The following AKR1C3 variants were observed in gnomAD, a reference collection of about 807,000 sequenced individuals.
AKR1C3 encodes the protein aldo-keto reductase family 1 member C3.
Under a neutral mutation model 43.6 loss-of-function variants are expected in AKR1C3, and 48 were observed. The observed-to-expected ratio is 1.10, with a 90% confidence interval of 0.87 to 1.40. AKR1C3 has a LOEUF of 1.40. AKR1C3 is among the 40% of genes most tolerant of loss of function. AKR1C3 has a pLI of 0.00. For missense variants in AKR1C3, 482 were observed against 391.2 expected (o/e 1.23, Z -1.96); for synonymous variants, 162 against 139.6 (o/e 1.16, Z -1.13).
intron 1 of AKR1C3, among the ~76,000 whole-genome samples, chr10:5,064,787 C>T (rs1554780620): frequency 6.6e-6 from 1 of 151,990 alleles, no homozygotes; most frequent in East Asian, 1.9e-4. Context: ...TGCTCAACAT[C>T]ACTGATCATT....
chr10:5,100,094 A>G (rs1839310913), intron 5 of AKR1C3, among the ~76,000 whole-genome samples: 1 of 152,306 alleles, frequency 6.6e-6, no homozygotes, highest in African/African-American at 2.4e-5. Flanking sequence ...GGAGTTTGAG[A>G]CCAGCCTGAC....
upstream of AKR1C3, among the ~76,000 whole-genome samples, chr10:5,091,419 G>C (rs1554784152): frequency 6.6e-6 from 1 of 152,088 alleles, no homozygotes; most frequent in Non-Finnish European, 1.5e-5. Flanking sequence ...GTATTTTTCA[G>C]AACATATCTC....
Position 5,107,483 on chromosome 10 carries a change from C to A in AKR1C3, c.952C>A (p.Pro318Thr), listed in dbSNP as rs1477251308. 6.3e-7 allele frequency: 1 copy of A among 1,586,332 alleles called. No homozygotes were observed. The highest frequency in any genetic ancestry group is 1.7e-5 in the Admixed American group (1 of 59,748). Residue 318 changes from proline (P) to threonine (T), a missense_variant, in exon 9 of 9, where the codon CCA (proline) becomes ACA (threonine). Physicochemically the swap from Pro to Thr is conservative, Grantham distance 38. Coordinates refer to ENST00000380554, the MANE Select transcript of AKR1C3 (RefSeq NM_003739.6). ...CAGTTTTGCTAGCCACCCTAATTAT[C>A]CATATTCAGATGAATATTAACATGG... Reference protein sequence around the residue: ...SDSFASHPNYPYSDEY With the variant: ...SDSFASHPNYTYSDEY
At chr10:5,068,941 A>C (rs1198836222) in intron 1 of AKR1C3, among the ~76,000 whole-genome samples, 1 of 152,238 alleles carries the variant, frequency 6.6e-6, no homozygotes, top group Admixed American at 6.5e-5. Context: ...TTTGAACATA[A>C]CTTAGACCAC....
At chr10:5,106,623 T>C (rs587718482) in intron 8 of AKR1C3, among the ~76,000 whole-genome samples, 218 of 152,130 alleles carry the variant, frequency 1.4e-3, no homozygotes, top group African/African-American at 4.5e-3. Flanking sequence ...TGGTGACACT[T>C]ACCTGTAATC....
chr10:5,107,395 A>G, intron 8 of AKR1C3, 66 bp from the exon 9 acceptor site: 1 of 1,168,096 alleles, frequency 8.6e-7, no homozygotes, highest in South Asian at 1.3e-5. Context: ...GCTTCATTGA[A>G]ATCACTTTAC....
chr10:5,077,695 T>G (rs1317588473), intron 1 of AKR1C3: 1 of 1,134,918 alleles, frequency 8.8e-7, no homozygotes, highest in Non-Finnish European at 1.1e-6. Context: ...CCATTGAAAC[T>G]AACCAAACAT....
intron 1 of AKR1C3, among the ~76,000 whole-genome samples, chr10:5,055,623 G>A (rs528514185): frequency 1.4e-4 from 22 of 152,312 alleles, no homozygotes; most frequent in Admixed American, 4.6e-4. Flanking sequence ...CTGGTTGTGG[G>A]GTTGTCCCAC....
At chr10:5,066,931 A>C (rs781872870) in intron 1 of AKR1C3, among the ~76,000 whole-genome samples, 15 of 152,136 alleles carry the variant, frequency 9.9e-5, no homozygotes, top group Non-Finnish European at 1.9e-4. Context: ...CTCTACTCTA[A>C]ACCATGGAAA....
At chr10:5,096,351 G>A in intron 1 of AKR1C3, 59 bp from the exon 2 acceptor site, 1 of 1,566,292 alleles carries the variant, frequency 6.4e-7, no homozygotes, top group Non-Finnish European at 8.7e-7. Flanking sequence ...CAATGCTTGT[G>A]CCTGAACTAC....
At chr10:5,103,057 TTTTTGTAATTTTTAATAGA>T (rs1839400325) in intron 7 of AKR1C3, among the ~76,000 whole-genome samples, 1 of 151,760 alleles carries the variant, frequency 6.6e-6, no homozygotes, top group South Asian at 2.1e-4. Context: ...GCCCGGCTAA[TTTTTGTAATTTTTAATAGA>T]GAAGGTATTT....
intron 5 of AKR1C3, 119 bp downstream of exon 5, chr10:5,099,568 G>T: frequency 6.6e-7 from 1 of 1,520,456 alleles, no homozygotes; most frequent in Non-Finnish European, 8.9e-7. Context: ...TATCTAGAGA[G>T]CAAAGCTTCT....
At chr10:5,091,068 A>G (rs1554784118), upstream of AKR1C3, among the ~76,000 whole-genome samples, 2 of 151,828 alleles carry the variant, frequency 1.3e-5, no homozygotes, top group East Asian at 3.9e-4. Context: ...AGTGTAGAAC[A>G]TGTTCAAATA....
chr10:5,070,840 G>T (rs192340094), intron 1 of AKR1C3, among the ~76,000 whole-genome samples: 1 of 152,274 alleles, frequency 6.6e-6, no homozygotes, highest in Admixed American at 6.5e-5. Context: ...AGATCTGTGA[G>T]CAATCCATGC....
At chr10:5,095,233 G>A (rs1244306288) in intron 1 of AKR1C3, among the ~76,000 whole-genome samples, 2 of 152,048 alleles carry the variant, frequency 1.3e-5, no homozygotes, top group African/African-American at 4.8e-5. Context: ...GATAGAACTT[G>A]TATTCCAAGA....
At chr10:5,100,457 A>G (rs939366609) in intron 5 of AKR1C3, among the ~76,000 whole-genome samples, 3 of 152,156 alleles carry the variant, frequency 2.0e-5, no homozygotes, top group Non-Finnish European at 4.4e-5. Context: ...GTTTAAACAC[A>G]TCTATTCTAT....
intron 1 of AKR1C3, among the ~76,000 whole-genome samples, chr10:5,074,966 T>C (rs1838682275): frequency 6.6e-6 from 1 of 152,164 alleles, no homozygotes; most frequent in Non-Finnish European, 1.5e-5. Flanking sequence ...CTTCTCAATA[T>C]CCCGCCCTTT....
intron 1 of AKR1C3, among the ~76,000 whole-genome samples, chr10:5,082,865 G>C (rs1205668059): frequency 6.6e-6 from 1 of 152,048 alleles, no homozygotes; most frequent in African/African-American, 2.4e-5. Context: ...CCATAAAATT[G>C]GTACCAGCTC....
At chr10:5,058,683 G>T (rs1303871832) in intron 1 of AKR1C3, among the ~76,000 whole-genome samples, 5 of 152,198 alleles carry the variant, frequency 3.3e-5, no homozygotes, top group African/African-American at 9.7e-5. Flanking sequence ...GGACCCTGCT[G>T]GTTGGAATAC....
Sources: allele counts gnomAD v4.1 joint callset (sites outside exome capture counted in the v4.1 genomes callset), GRCh38; gene constraint gnomAD v4.1.1; transcripts MANE v1.5; gene names NCBI Gene and HGNC (gene_info 2026-07-23, HGNC 2026-07-21).